The following KDM4C variants were observed in gnomAD, a reference collection of about 807,000 sequenced individuals.
The protein encoded by KDM4C is lysine-specific demethylase 4C.
Under a neutral mutation model 129.3 loss-of-function variants are expected in KDM4C, and 81 were observed. That is an observed-to-expected ratio of 0.63 (90% CI 0.52 to 0.75). The LOEUF (loss-of-function observed/expected upper bound fraction) is 0.75, where lower values mean the gene tolerates loss of function less well. Ranked by LOEUF, KDM4C falls within the 30% of genes least tolerant of loss-of-function variation. The probability of loss-of-function intolerance (pLI) is 0.00; values close to 1 mark genes in which losing one functional copy is unlikely to be tolerated. For missense variants in KDM4C, 1,457 were observed against 1,304.0 expected, an observed-to-expected ratio of 1.12 and a Z score of -1.81; for synonymous variants, 573 against 456.1, an observed-to-expected ratio of 1.26 and a Z score of -3.26.
intron 12 of KDM4C, among the ~76,000 whole-genome samples, chr9:7,000,898 C>T (rs10481604): frequency 0.32 from 49,054 of 151,982 alleles, 8,430 homozygotes; most frequent in South Asian, 0.62. Context: ...ATGTATATTT[C>T]AAATTTTAAT....
rs1250141943 is a variant in KDM4C, at chr9:7,171,948, C to T, written c.2994+2058C>T. Among the ~76,000 whole-genome samples the T allele has an allele frequency of 9.8e-5, 15 of 152,294 alleles. No homozygotes were observed. The South Asian group carries it at 2.7e-3, about 27-fold the overall frequency. On this transcript the variant is annotated intron_variant, in intron 21 of 21. Transcript: ENST00000381309. ...AAATATCTTAGGGAACAAAGGCTCA[C>T]GGTCACTAAGTCCTGTTGGCCACCT... is the stretch of plus-strand genomic sequence containing the variant.
chr9:7,019,751 T>TATAAAAA (rs1563993304), intron 15 of KDM4C, among the ~76,000 whole-genome samples: 105 of 111,328 alleles, frequency 9.4e-4, no homozygotes, highest in Non-Finnish European at 1.6e-3. Context: ...TATAATATTT[T>TATAAAAA]TATATATAAA....
rs553491022 is a variant in KDM4C at position 6,737,618 on chromosome 9, C to G, written c.49+16621C>G. 2.3e-5 allele frequency among the ~76,000 whole-genome samples: 3 copies of G among 127,802 alleles called. No homozygotes were observed. In the East Asian group the frequency reaches 7.6e-4, roughly 33 times the overall value. The allele number at this position is 127,802 out of a possible 152,430, so 83.8% of individuals were successfully genotyped here. ...GGCAGAGGTTGCAGTGAGCCGGGAT[C>G]ACACCATTGCATTCCAGCCTGGGGG... On this transcript the variant is annotated intron_variant, in intron 1 of 17. Transcript: ENST00000536108.
chr9:7,108,802 G>C (rs770322191), intron 18 of KDM4C, among the ~76,000 whole-genome samples: 16 of 152,168 alleles, frequency 1.1e-4, no homozygotes, highest in Admixed American at 7.2e-4. Flanking sequence ...ATGGATGTTT[G>C]AGGCTCCCAA....
chr9:6,819,229 C>G (rs1179284077), intron 4 of KDM4C: 2 of 152,160 alleles, frequency 1.3e-5, no homozygotes, highest in African/African-American at 4.8e-5. Flanking sequence ...AGTGAAATAG[C>G]ATAAGCATTG....
intron 4 of KDM4C, among the ~76,000 whole-genome samples, chr9:6,825,807 T>A (rs887319516): frequency 9.9e-5 from 15 of 152,232 alleles, no homozygotes; most frequent in African/African-American, 2.2e-4. Flanking sequence ...ATCTTTTTTT[T>A]ATTTATTTCT....
chr9:7,008,294 C>T (rs932174157), intron 12 of KDM4C, among the ~76,000 whole-genome samples: 1 of 152,162 alleles, frequency 6.6e-6, no homozygotes, highest in Non-Finnish European at 1.5e-5. Context: ...TCCAGGATTG[C>T]TCCAGTGTCA....
intron 8 of KDM4C, among the ~76,000 whole-genome samples, chr9:6,919,539 C>A (rs1240093983): frequency 1.5e-4 from 11 of 73,162 alleles, no homozygotes; most frequent in Admixed American, 1.5e-3. Flanking sequence ...ATCTGTCTGT[C>A]TGTCTGTCTA....
chr9:7,068,845 C>T (rs539924068), intron 17 of KDM4C, among the ~76,000 whole-genome samples: 39 of 151,860 alleles, frequency 2.6e-4, no homozygotes, highest in African/African-American at 3.6e-4. Context: ...TACAGGTGTG[C>T]ACCACCACGC....
intron 17 of KDM4C, among the ~76,000 whole-genome samples, chr9:7,086,072 T>C (rs1034068676): frequency 1.3e-4 from 20 of 151,984 alleles, no homozygotes; most frequent in Non-Finnish European, 2.4e-4. Flanking sequence ...GCAGGAGAAT[T>C]GCTTGAACCC....
chr9:6,965,259 C>T (rs1485717436), intron 8 of KDM4C, among the ~76,000 whole-genome samples: 1 of 151,094 alleles, frequency 6.6e-6, no homozygotes, highest in East Asian at 1.9e-4. Context: ...AAGTCTAAAA[C>T]CACATATCAA....
rs368704831 is a variant in KDM4C, at chr9:7,038,497, A to G, written c.2260-8365A>G. On this transcript the variant is annotated intron_variant, in intron 15 of 21. Coordinates refer to ENST00000381309, the MANE Select transcript of KDM4C (RefSeq NM_015061.6). ...GTATCCCAGTGGCTGTGGATTTACC[A>G]TGTCGTTTTCATTACTGTTTGAAAT... Among the ~76,000 whole-genome samples, 12 of 152,158 alleles carry G rather than the reference A, an allele frequency of 7.9e-5. No homozygotes were observed. In the South Asian group the frequency reaches 1.4e-3, roughly 18 times the overall value.
chr9:7,122,265 A>ACACACACACTCTCTCTCTCTCTCT (rs375655422), intron 18 of KDM4C, among the ~76,000 whole-genome samples: 3 of 144,710 alleles, frequency 2.1e-5, no homozygotes, highest in African/African-American at 7.8e-5. Context: ...ACACACACAC[A>ACACACACACTCTCTCTCTCTCTCT]CTCTCTCTCT....
chr9:6,841,385 CTG>C (rs568077390), intron 4 of KDM4C, among the ~76,000 whole-genome samples: 6 of 152,070 alleles, frequency 3.9e-5, no homozygotes, highest in South Asian at 4.1e-4. Context: ...AGAGTGATAA[CTG>C]TGAAGATATG....
At chr9:7,135,290 C>G (rs1841078329) in intron 19 of KDM4C, among the ~76,000 whole-genome samples, 1 of 152,100 alleles carries the variant, frequency 6.6e-6, no homozygotes, top group Non-Finnish European at 1.5e-5. Context: ...GGGTATTTCT[C>G]TTATTTTCTG....
At chr9:6,894,736 A>C (rs1244156086) in intron 8 of KDM4C, among the ~76,000 whole-genome samples, 1 of 152,126 alleles carries the variant, frequency 6.6e-6, no homozygotes, top group Non-Finnish European at 1.5e-5. Flanking sequence ...GAAGGAAGAG[A>C]GGCTGGTAGT....
intron 5 of KDM4C, among the ~76,000 whole-genome samples, chr9:6,856,539 CGTGTGTGTGTGTGTGTGTGT>C (rs201267627): frequency 7.6e-6 from 1 of 131,546 alleles, no homozygotes; most frequent in Non-Finnish European, 1.6e-5. Context: ...TCTCTGTGTG[CGTGTGTGTGTGTGTGTGTGT>C]GTGTGTGTGT....
chr9:7,055,592 T>C (rs1368495730), intron 17 of KDM4C, among the ~76,000 whole-genome samples: 1 of 152,184 alleles, frequency 6.6e-6, no homozygotes, highest in East Asian at 1.9e-4. Context: ...AGCCAAAGAT[T>C]ATAGTTTTGA....
intron 19 of KDM4C, 103 bp downstream of exon 19, chr9:7,128,339 C>T (rs916084557): frequency 2.6e-6 from 2 of 782,070 alleles, no homozygotes; most frequent in African/African-American, 3.6e-5. Context: ...TTGAGTAGCT[C>T]ATTCACTTGG....
Sources: allele counts gnomAD v4.1 joint callset (sites outside exome capture counted in the v4.1 genomes callset), GRCh38; gene constraint gnomAD v4.1.1; transcripts MANE v1.5; gene names NCBI Gene and HGNC (gene_info 2026-07-23, HGNC 2026-07-21).